The following PTPRD variants were observed in gnomAD, a reference collection of about 807,000 sequenced individuals.
The protein encoded by PTPRD is receptor-type tyrosine-protein phosphatase delta.
In PTPRD, 34 loss-of-function variants were observed where a neutral mutation model predicts 214.5. The ratio of observed to expected loss-of-function variants is 0.16; its 90% CI spans 0.12 to 0.21. The LOEUF (loss-of-function observed/expected upper bound fraction) is 0.21. PTPRD is among the 10% of genes least tolerant of loss of function. The pLI, the probability that PTPRD is intolerant of heterozygous loss-of-function variation, is 1.00. For synonymous variants in PTPRD, 1,128 were observed against 845.7 expected, an observed-to-expected ratio of 1.33 and a Z score of -5.79; for missense variants, 2,545 against 2,398.7, an observed-to-expected ratio of 1.06 and a Z score of -1.27.
At chr9:8,581,610 T>C (rs1232965274) in intron 14 of PTPRD, among the ~76,000 whole-genome samples, 1 of 151,920 alleles carries the variant, frequency 6.6e-6, no homozygotes, top group African/African-American at 2.4e-5. Flanking sequence ...TAGCTGGGCA[T>C]GGTGGCAGAT....
At chr9:8,438,319 G>A (rs912446438) in intron 34 of PTPRD, among the ~76,000 whole-genome samples, 1 of 152,132 alleles carries the variant, frequency 6.6e-6, no homozygotes, top group Admixed American at 6.6e-5. Flanking sequence ...GTGAATTGTG[G>A]TGGTTTAGTT....
intron 10 of PTPRD, among the ~76,000 whole-genome samples, chr9:9,104,850 G>A (rs145349520): frequency 1.3e-5 from 2 of 152,272 alleles, no homozygotes; most frequent in African/African-American, 4.8e-5. Context: ...TTCCTGAACT[G>A]CAAGAATTGA....
chr9:9,126,346 T>C (rs1388782627), intron 10 of PTPRD, among the ~76,000 whole-genome samples: 3 of 152,198 alleles, frequency 2.0e-5, no homozygotes, highest in African/African-American at 7.2e-5. Flanking sequence ...GAAGGAACAC[T>C]GTCCAATAGG....
intron 8 of PTPRD, among the ~76,000 whole-genome samples, chr9:9,485,851 A>G (rs940123864): frequency 6.6e-6 from 1 of 151,938 alleles, no homozygotes; most frequent in African/African-American, 2.4e-5. Flanking sequence ...GTCTGCCCAA[A>G]TCTCTACTGC....
intron 6 of PTPRD, among the ~76,000 whole-genome samples, chr9:9,744,086 A>C (rs1350792392): frequency 1.3e-5 from 2 of 152,026 alleles, no homozygotes; most frequent in African/African-American, 4.8e-5. Context: ...AAGCCTAGGA[A>C]TTTTCTTGCA....
At chr9:8,696,611 G>A (rs571268794) in intron 12 of PTPRD, among the ~76,000 whole-genome samples, 4 of 152,202 alleles carry the variant, frequency 2.6e-5, no homozygotes, top group South Asian at 2.1e-4. Flanking sequence ...TAGGTTAGAC[G>A]GAGAAAGAAT....
At chr9:9,120,713 T>C (rs1047173189) in intron 10 of PTPRD, among the ~76,000 whole-genome samples, 6 of 152,196 alleles carry the variant, frequency 3.9e-5, no homozygotes, top group Non-Finnish European at 7.3e-5. Context: ...GTAGCACCTG[T>C]ATATTCATAA....
At position 10,220,009 on chromosome 9, in the gene PTPRD, A is replaced by C. The variant is rs370556131; in HGVS notation, c.-545+120954T>G. ...TGAAGAAATTAAAAATATAAAAATC[A>C]AAATTATAACAAGAAGGTTTACACA... is the stretch of plus-strand genomic sequence containing the variant. On this transcript the variant is annotated intron_variant, in intron 3 of 45. Transcript: ENST00000381196. Among the ~76,000 whole-genome samples the C allele has an allele frequency of 1.2e-3, 187 of 151,982 alleles. 3 individuals are homozygous for C. In the South Asian group the frequency reaches 0.036, roughly 29 times the overall value.
chr9:8,427,453 C>T (rs759108234), intron 35 of PTPRD, among the ~76,000 whole-genome samples: 3 of 152,106 alleles, frequency 2.0e-5, no homozygotes, highest in Non-Finnish European at 4.4e-5. Flanking sequence ...CAGACACACA[C>T]TTTGGTTAAT....
chr9:9,958,969 T>C (rs750479132), intron 4 of PTPRD, among the ~76,000 whole-genome samples: 158 of 152,168 alleles, frequency 1.0e-3, no homozygotes, highest in Non-Finnish European at 1.8e-3. Flanking sequence ...CACATAGTCT[T>C]ACCATAAAAT....
At chr9:9,230,145 T>A (rs528739886) in intron 9 of PTPRD, among the ~76,000 whole-genome samples, 1 of 152,226 alleles carries the variant, frequency 6.6e-6, no homozygotes, top group South Asian at 2.1e-4. Flanking sequence ...AATCTTTTGA[T>A]CACACTTGAG....
chr9:9,918,892 C>G (rs921518470), intron 5 of PTPRD, among the ~76,000 whole-genome samples: 7 of 152,026 alleles, frequency 4.6e-5, no homozygotes, highest in African/African-American at 1.7e-4. Flanking sequence ...ATACAAACAT[C>G]AATTCAAAAT....
At chr9:8,918,126 A>C (rs1005604460) in intron 11 of PTPRD, among the ~76,000 whole-genome samples, 4 of 152,294 alleles carry the variant, frequency 2.6e-5, no homozygotes, top group Middle Eastern at 3.4e-3. Flanking sequence ...TCGAGCAGCC[A>C]GACAGCCCTA....
intron 3 of PTPRD, among the ~76,000 whole-genome samples, chr9:10,223,363 G>A (rs2099577690): frequency 6.6e-6 from 1 of 152,026 alleles, no homozygotes; most frequent in South Asian, 2.1e-4. Flanking sequence ...TGCTTAAGTA[G>A]TTATTAAAGT....
intron 3 of PTPRD, among the ~76,000 whole-genome samples, chr9:10,336,037 T>C (rs940191205): frequency 6.6e-6 from 1 of 151,770 alleles, no homozygotes; most frequent in African/African-American, 2.4e-5. Context: ...TGGCAGTTTC[T>C]TACAAAACTA....
chr9:10,424,684 A>G (rs887816429), intron 2 of PTPRD, among the ~76,000 whole-genome samples: 2 of 151,956 alleles, frequency 1.3e-5, no homozygotes, highest in African/African-American at 4.8e-5. Flanking sequence ...ACCCAGAGTC[A>G]CCGAGTTTCT....
intron 9 of PTPRD, among the ~76,000 whole-genome samples, chr9:9,207,618 G>A (rs2132605903): frequency 6.6e-6 from 1 of 152,222 alleles, no homozygotes; most frequent in South Asian, 2.1e-4. Flanking sequence ...TATGAAAAAT[G>A]GTGCAATTAC....
intron 3 of PTPRD, among the ~76,000 whole-genome samples, chr9:10,142,074 T>C (rs1222511572): frequency 6.6e-6 from 1 of 151,976 alleles, no homozygotes; most frequent in Admixed American, 6.6e-5. Context: ...TAGCCATATG[T>C]AGAAAGCTGA....
intron 5 of PTPRD, among the ~76,000 whole-genome samples, chr9:9,887,815 C>T (rs16930509): frequency 6.6e-6 from 1 of 151,834 alleles, no homozygotes; most frequent in Non-Finnish European, 1.5e-5. Context: ...AATACTCTTT[C>T]GTACACTGAT....
Sources: gnomAD v4.1 joint callset for allele counts (sites outside exome capture counted in the v4.1 genomes callset) on GRCh38, gnomAD v4.1.1 for gene constraint, MANE v1.5 for transcripts, NCBI Gene and HGNC (gene_info 2026-07-23, HGNC 2026-07-21) for gene names.